TACC1: variants seen among roughly 807,000 people sequenced by gnomAD.
TACC1 encodes transforming acidic coiled-coil containing protein 1.
In TACC1, 48 loss-of-function variants were observed where a neutral mutation model predicts 84.4. The ratio of observed to expected loss-of-function variants is 0.57; its 90% CI spans 0.45 to 0.72. TACC1 has a LOEUF of 0.72. Among genes scored for constraint, TACC1 ranks in the 30% least tolerant of loss-of-function variants. The probability of loss-of-function intolerance (pLI) is 0.00; values close to 1 mark genes in which losing one functional copy is unlikely to be tolerated. For synonymous variants in TACC1, 372 were observed against 376.3 expected (o/e 0.99, Z 0.13); for missense variants, 920 against 973.0 (o/e 0.95, Z 0.72).
upstream of TACC1, among the ~76,000 whole-genome samples, chr8:38,784,774 C>T (rs893983504): frequency 3.2e-4 from 49 of 152,144 alleles, no homozygotes; most frequent in African/African-American, 1.1e-3. Context: ...ATATTGAACA[C>T]CTACTGAGTG....
At chr8:38,738,450 C>T (rs1273152606) in intron 1 of TACC1, among the ~76,000 whole-genome samples, 1 of 152,124 alleles carries the variant, frequency 6.6e-6, no homozygotes, top group African/African-American at 2.4e-5. Flanking sequence ...TTTGTCTCTT[C>T]TCTTCATTTA....
intron 2 of TACC1, among the ~76,000 whole-genome samples, chr8:38,793,366 C>T (rs1819207348): frequency 1.3e-5 from 2 of 152,052 alleles, no homozygotes; most frequent in Admixed American, 1.3e-4. Flanking sequence ...TGTTTTTTTG[C>T]ATGGCCCTGA....
At chr8:38,780,847 A>G (rs1385416541) in intron 3 of TACC1, among the ~76,000 whole-genome samples, 6 of 152,154 alleles carry the variant, frequency 3.9e-5, no homozygotes, top group African/African-American at 1.4e-4. Flanking sequence ...TTTTACTCCA[A>G]AGAGATAAAA....
At chr8:38,773,424 A>G (rs1008685100) in intron 3 of TACC1, among the ~76,000 whole-genome samples, 2 of 148,328 alleles carry the variant, frequency 1.3e-5, no homozygotes, top group African/African-American at 4.9e-5. Context: ...TTTAAATATT[A>G]ATATTTATAT....
intron 3 of TACC1, among the ~76,000 whole-genome samples, chr8:38,754,151 G>A (rs1267424927): frequency 2.6e-5 from 4 of 151,836 alleles, no homozygotes; most frequent in African/African-American, 9.7e-5. Flanking sequence ...GACAGGTTTC[G>A]CCATGTTGGC....
chr8:38,835,583 G>C (rs1016731170), intron 6 of TACC1, among the ~76,000 whole-genome samples: 2 of 152,252 alleles, frequency 1.3e-5, no homozygotes, highest in African/African-American at 2.4e-5. Context: ...GGTCGCTGCG[G>C]AGCAGCGGAA....
At chr8:38,798,783 G>A (rs13260356) in intron 2 of TACC1, among the ~76,000 whole-genome samples, 54,324 of 151,866 alleles carry the variant, frequency 0.36, 10,054 homozygotes, top group Non-Finnish European at 0.42. Flanking sequence ...CCCAGCAGTT[G>A]TTGGGGAAAT....
At chr8:38,784,196 A>G (rs1046632224), upstream of TACC1, among the ~76,000 whole-genome samples, 8 of 152,188 alleles carry the variant, frequency 5.3e-5, no homozygotes, top group Non-Finnish European at 1.0e-4. Flanking sequence ...ACTCATATTC[A>G]TTACTGCTTA....
chr8:38,787,673 G>A lies in TACC1; in HGVS notation c.91G>A (p.Glu31Lys), dbSNP rs756850462. 7.1e-6 allele frequency: 11 copies of A among 1,549,240 alleles called. No individual in the cohort carries two copies. The highest frequency in any genetic ancestry group is 5.9e-5 in the South Asian group (5 of 84,688). Residue 31 changes from glutamate to lysine, a missense_variant, in exon 1 of 13, where the codon GAG becomes AAG. Around this residue, in one of 2 missense-constraint regions of TACC1, gnomAD observed 762 missense variants for 747.3 expected, o/e 1.02. Transcript: ENST00000317827. ...ACGCGGCGGGGCCGCCGGCGAGGAC[G>A]AGGCTGGCGGGCCCGAGGGCGACCC... Reference protein sequence around the residue: ...AVRGGAAGEDEAGGPEGDPEE... With the variant: ...AVRGGAAGEDKAGGPEGDPEE...
chr8:38,752,253 T>C (rs761827023), intron 3 of TACC1, among the ~76,000 whole-genome samples: 2 of 152,184 alleles, frequency 1.3e-5, no homozygotes, highest in Non-Finnish European at 1.5e-5. Context: ...GCAGATTGCC[T>C]GAGCTCAGGA....
intron 2 of TACC1, among the ~76,000 whole-genome samples, chr8:38,743,674 G>A (rs1043717780): frequency 2.0e-5 from 3 of 152,142 alleles, no homozygotes; most frequent in African/African-American, 7.2e-5. Flanking sequence ...GAGTGTCATA[G>A]AAACTCAAAA....
At chr8:38,837,892 G>A (rs914421952) in intron 7 of TACC1, among the ~76,000 whole-genome samples, 2 of 152,240 alleles carry the variant, frequency 1.3e-5, no homozygotes, top group Non-Finnish European at 2.9e-5. Context: ...TATGAGCCTA[G>A]GTTCCAGGCT....
At chr8:38,791,714 T>G (rs997124851) in intron 2 of TACC1, among the ~76,000 whole-genome samples, 4 of 152,232 alleles carry the variant, frequency 2.6e-5, no homozygotes, top group African/African-American at 9.6e-5. Context: ...AAGACATGGT[T>G]GGACCGCAGT....
At chr8:38,751,784 GC>G (rs1809082073) in intron 3 of TACC1, among the ~76,000 whole-genome samples, 1 of 151,572 alleles carries the variant, frequency 6.6e-6, no homozygotes, top group South Asian at 2.1e-4. Flanking sequence ...TCACTTTATT[GC>G]AGTGGTGTGC....
At chr8:38,822,347 T>C (rs545874925) in intron 3 of TACC1, among the ~76,000 whole-genome samples, 1 of 150,522 alleles carries the variant, frequency 6.6e-6, no homozygotes, top group African/African-American at 2.4e-5. Context: ...AGTAAAAATA[T>C]AGTATAAAAG....
chr8:38,832,984 T>C (rs1351146047), intron 6 of TACC1, among the ~76,000 whole-genome samples: 1 of 152,214 alleles, frequency 6.6e-6, no homozygotes, highest in Admixed American at 6.5e-5. Context: ...GTGAATGTTT[T>C]GAGGGACTGG....
chr8:38,753,134 G>T (rs1809346830), intron 3 of TACC1, among the ~76,000 whole-genome samples: 1 of 152,144 alleles, frequency 6.6e-6, no homozygotes, highest in South Asian at 2.1e-4. Context: ...GACTATCGCT[G>T]TGTCGCCCAG....
intron 2 of TACC1, among the ~76,000 whole-genome samples, chr8:38,789,366 G>C (rs553987387): frequency 6.6e-6 from 1 of 152,146 alleles, no homozygotes; most frequent in Non-Finnish European, 1.5e-5. Context: ...AGCTTCCGTT[G>C]TCTCACTTAA....
intron 3 of TACC1, among the ~76,000 whole-genome samples, chr8:38,761,065 T>C (rs1268829862): frequency 6.6e-6 from 1 of 152,230 alleles, no homozygotes; most frequent in Non-Finnish European, 1.5e-5. Flanking sequence ...TTTGAGTTAA[T>C]TTTTTCCTCA....
Sources: allele counts gnomAD v4.1 joint callset (sites outside exome capture counted in the v4.1 genomes callset), GRCh38; gene constraint gnomAD v4.1.1; regional missense constraint gnomAD v4.1.1; transcripts MANE v1.5; gene names NCBI Gene and HGNC (gene_info 2026-07-23, HGNC 2026-07-21).